The following BCAS3 variants were observed in gnomAD, a reference collection of about 807,000 sequenced individuals.
BCAS3 encodes the protein BCAS4/BCAS3 fusion.
Under a neutral mutation model 116.1 loss-of-function variants are expected in BCAS3, and 53 were observed. That is an observed-to-expected ratio of 0.46 (90% CI 0.37 to 0.57). The LOEUF (loss-of-function observed/expected upper bound fraction) is 0.57. Among genes scored for constraint, BCAS3 ranks in the 20% least tolerant of loss-of-function variants. The probability of loss-of-function intolerance (pLI) is 0.00; values close to 1 mark genes in which losing one functional copy is unlikely to be tolerated. For synonymous variants in BCAS3, 391 were observed against 408.2 expected (o/e 0.96, Z 0.51); for missense variants, 917 against 1,165.4 (o/e 0.79, Z 3.10).
At chr17:61,024,326 A>G (rs538422203) in intron 16 of BCAS3, among the ~76,000 whole-genome samples, 139 of 152,272 alleles carry the variant, frequency 9.1e-4, no homozygotes, top group Non-Finnish European at 2.4e-4. Context: ...GCAGATGAGT[A>G]TAGATTTTAT....
intron 6 of BCAS3, among the ~76,000 whole-genome samples, chr17:60,758,059 G>A (rs1297634980): frequency 6.6e-6 from 1 of 151,956 alleles, no homozygotes; most frequent in Non-Finnish European, 1.5e-5. Context: ...AAAATCAGTT[G>A]GTTATAAATA....
rs2049021742 is a variant in BCAS3, at chr17:61,259,393, G to A, written c.2426-108934G>A. Among the ~76,000 whole-genome samples the A allele has an allele frequency of 3.3e-5, 5 of 152,032 alleles. No individual in the cohort carries two copies. Among genetic ancestry groups the A allele is most frequent in the Admixed American group, 3.3e-4 (5 of 15,248 alleles). ...ATGGTTTGTGCTTTTGTTCCTTCTT[G>A]GAGTCCAGCTCTGACTTTAATAGCA... is the stretch of plus-strand genomic sequence containing the variant. On this transcript the variant is annotated intron_variant, in intron 22 of 23. Transcript: ENST00000407086. This position sits in a 1 kb window ranked among gnomAD's most constrained non-coding sequence, Gnocchi z 4.7.
In BCAS3 at chr17:61,352,237, G is replaced by C. The variant is rs961410931; in HGVS notation, c.2426-16090G>C. 6.6e-6 allele frequency among the ~76,000 whole-genome samples: 1 copy of C among 152,104 alleles called. No homozygotes were observed. The highest frequency in any genetic ancestry group is 2.4e-5 in the African/African-American group (1 of 41,432). On this transcript the variant is annotated intron_variant, in intron 22 of 23. Transcript: ENST00000407086. This position sits in a 1 kb window ranked among gnomAD's most constrained non-coding sequence, Gnocchi z 4.7. ...TCTGGGCCCCTCCTGGGAGCCCCTTGGTGCTTTGGCTTTTTTCTTTTTTCC... is the reference window on the plus strand; with the variant it reads ...TCTGGGCCCCTCCTGGGAGCCCCTTCGTGCTTTGGCTTTTTTCTTTTTTCC...
intron 6 of BCAS3, among the ~76,000 whole-genome samples, chr17:60,773,855 C>G (rs1162522500): frequency 6.6e-6 from 1 of 152,154 alleles, no homozygotes; most frequent in African/African-American, 2.4e-5. Context: ...CCGTATTTCC[C>G]AGGCTGGTCT....
chr17:61,323,589 T>G lies in BCAS3; in HGVS notation c.2426-44738T>G, dbSNP rs1320170219. 6.6e-6 allele frequency among the ~76,000 whole-genome samples: 1 copy of G among 152,218 alleles called. No individual in the cohort carries two copies. Among genetic ancestry groups the G allele is most frequent in the Non-Finnish European group, 1.5e-5 (1 of 68,038 alleles). Reference sequence around the variant, plus strand: ...AGAAATATCTTAGCTGTTCTCAAAATTATAAACTCGGGAGTGTGGAGGGGG... The same window carrying G: ...AGAAATATCTTAGCTGTTCTCAAAAGTATAAACTCGGGAGTGTGGAGGGGG... On this transcript the variant is annotated intron_variant, in intron 22 of 23. Coordinates refer to ENST00000407086, the MANE Select transcript of BCAS3 (RefSeq NM_017679.5). This position sits in a 1 kb window ranked among gnomAD's most constrained non-coding sequence, Gnocchi z 4.6.
In BCAS3 at chr17:61,300,838, C is replaced by G. The variant is rs1279762926; in HGVS notation, c.2426-67489C>G. Among the ~76,000 whole-genome samples the G allele has an allele frequency of 6.6e-6, 1 of 152,174 alleles. No homozygotes were observed. Among genetic ancestry groups the G allele is most frequent in the Non-Finnish European group, 1.5e-5 (1 of 68,022 alleles). ...TCCTCCTCCCTCCCTCTTCTAGCCT[C>G]TGCCCAGGAATCATTTGTAGGCAAA... On this transcript the variant is annotated intron_variant, in intron 22 of 23. Transcript: ENST00000407086. The surrounding 1 kb of genome is among the most constrained non-coding windows in gnomAD (Gnocchi z 5.1).
chr17:61,030,824 G>C (rs938965630), intron 16 of BCAS3, among the ~76,000 whole-genome samples: 6 of 151,606 alleles, frequency 4.0e-5, no homozygotes, highest in Admixed American at 2.0e-4. Flanking sequence ...TTGCTCAAAA[G>C]TTAAGTCAAA....
chr17:60,896,559 A>G (rs2057523335), intron 10 of BCAS3, among the ~76,000 whole-genome samples: 2 of 150,060 alleles, frequency 1.3e-5, no homozygotes, highest in Admixed American at 6.6e-5. Context: ...TCCCTTTATC[A>G]TTATATAATG....
In BCAS3 at chr17:61,285,478, TCTAGA is replaced by T. The variant is rs578046517; in HGVS notation, c.2426-82833_2426-82829del. The stretch of plus-strand genomic sequence containing the variant: ...TGCTTGGTTTGGTTTATCCATAGGA[TCTAGA>T]CTAGACTAGACTAGAGGATTGACGC... On this transcript the variant is annotated intron_variant, in intron 22 of 23. Transcript: ENST00000407086. This position sits in a 1 kb window ranked among gnomAD's most constrained non-coding sequence, Gnocchi z 5.4. Among the ~76,000 whole-genome samples, 1 of 152,120 alleles carries T rather than the reference TCTAGA, an allele frequency of 6.6e-6. No homozygotes were observed. The highest frequency in any genetic ancestry group is 1.5e-5 in the Non-Finnish European group (1 of 68,028).
At position 61,286,885 on chromosome 17, in the gene BCAS3, T is replaced by A. The variant is rs2051848560; in HGVS notation, c.2426-81442T>A. ...CATTCATTTATTCATTCACTGAAAC[T>A]TTATGGGCCACCTACTGAGCCAGAC... On this transcript the variant is annotated intron_variant, in intron 22 of 23. Coordinates refer to ENST00000407086, the MANE Select transcript of BCAS3 (RefSeq NM_017679.5). The surrounding 1 kb of genome is among the most constrained non-coding windows in gnomAD (Gnocchi z 4.8). 6.6e-6 allele frequency among the ~76,000 whole-genome samples: 1 copy of A among 152,152 alleles called. No individual in the cohort carries two copies. The highest frequency in any genetic ancestry group is 1.5e-5 in the Non-Finnish European group (1 of 68,028).
intron 6 of BCAS3, among the ~76,000 whole-genome samples, chr17:60,780,494 G>A (rs1239236223): frequency 6.6e-6 from 1 of 151,634 alleles, no homozygotes; most frequent in Non-Finnish European, 1.5e-5. Flanking sequence ...ATAGAGACGG[G>A]GTTTCACTAT....
intron 14 of BCAS3, among the ~76,000 whole-genome samples, chr17:60,974,382 T>C (rs2062165287): frequency 6.6e-6 from 1 of 152,202 alleles, no homozygotes; most frequent in Non-Finnish European, 1.5e-5. Context: ...TTTGATAAAA[T>C]GTTGAACATA....
intron 9 of BCAS3, chr17:60,887,177 C>A (rs1386860138): frequency 1.3e-5 from 2 of 152,320 alleles, no homozygotes; most frequent in African/African-American, 4.8e-5. Context: ...GTCTGAAAAG[C>A]GCAATATTCG....
At chr17:61,067,257 A>C (rs867095400) in intron 19 of BCAS3, among the ~76,000 whole-genome samples, 15 of 112,140 alleles carry the variant, frequency 1.3e-4, no homozygotes, top group South Asian at 1.2e-3. Flanking sequence ...TCATAACTTT[A>C]TTTATGTGTG....
chr17:61,054,280 T>A (rs1050967721), intron 19 of BCAS3, among the ~76,000 whole-genome samples: 9 of 152,214 alleles, frequency 5.9e-5, no homozygotes, highest in Non-Finnish European at 4.4e-5. Flanking sequence ...CTGAAGCTAA[T>A]CTTGGCATTT....
chr17:61,192,654 C>G (rs538665371), intron 22 of BCAS3, among the ~76,000 whole-genome samples: 19 of 152,144 alleles, frequency 1.2e-4, no homozygotes, highest in Admixed American at 3.3e-4. Flanking sequence ...AAATTCAATA[C>G]TTTTACACAG....
At chr17:60,777,564 T>G (rs1226875887) in intron 6 of BCAS3, among the ~76,000 whole-genome samples, 2 of 152,074 alleles carry the variant, frequency 1.3e-5, no homozygotes, top group Admixed American at 1.3e-4. Context: ...AAGTGGAGTT[T>G]GTAGTGAGCT....
rs145131811 is a variant in BCAS3, at chr17:61,141,364, T to C, written c.2425+56800T>C. Among the ~76,000 whole-genome samples, 483 of 152,092 alleles carry C rather than the reference T, an allele frequency of 3.2e-3. 3 individuals carry two copies. Among genetic ancestry groups the C allele is most frequent in the African/African-American group, 0.011 (466 of 41,480 alleles). On this transcript the variant is annotated intron_variant, in intron 22 of 23. Transcript: ENST00000407086. This position sits in a 1 kb window ranked among gnomAD's most constrained non-coding sequence, Gnocchi z 4.3. ...CTTGAGACCAGGAATTTGAGACCAGTCTGGGCAACATACCAAGACTCTGTC... is the reference window on the plus strand; with the variant it reads ...CTTGAGACCAGGAATTTGAGACCAGCCTGGGCAACATACCAAGACTCTGTC...
rs2054786856 is a variant in BCAS3 at position 61,316,833 on chromosome 17, A to C, written c.2426-51494A>C. The stretch of plus-strand genomic sequence containing the variant: ...ATAATTCCTGCCATGTAGGTTTATT[A>C]AATTAACAGTTGCAATTTATGTTTA... On this transcript the variant is annotated intron_variant, in intron 22 of 23. Coordinates refer to ENST00000407086, the MANE Select transcript of BCAS3 (RefSeq NM_017679.5). This position sits in a 1 kb window ranked among gnomAD's most constrained non-coding sequence, Gnocchi z 5.8. Among the ~76,000 whole-genome samples the C allele has an allele frequency of 6.6e-6, 1 of 152,206 alleles. No individual in the cohort carries two copies. Among genetic ancestry groups the C allele is most frequent in the Admixed American group, 6.5e-5 (1 of 15,284 alleles).
Sources: allele counts gnomAD v4.1 joint callset (sites outside exome capture counted in the v4.1 genomes callset), GRCh38; gene constraint gnomAD v4.1.1; non-coding constraint Gnocchi (gnomAD v3.1); transcripts MANE v1.5; gene names NCBI Gene and HGNC (gene_info 2026-07-23, HGNC 2026-07-21).